FAT1: variants seen among roughly 807,000 people sequenced by gnomAD.
FAT1 encodes FAT atypical cadherin 1.
Under a neutral mutation model 329.8 loss-of-function variants are expected in FAT1, and 171 were observed. The ratio of observed to expected loss-of-function variants is 0.52; its 90% CI spans 0.46 to 0.59. The LOEUF (loss-of-function observed/expected upper bound fraction) is 0.59. Ranked by LOEUF, FAT1 falls within the 20% of genes least tolerant of loss-of-function variation. FAT1 has a pLI of 0.00. For missense variants in FAT1, 5,672 were observed against 5,774.4 expected (o/e 0.98, Z 0.57); for synonymous variants, 2,233 against 2,228.6 (o/e 1.00, Z -0.06).
chr4:186,617,642 C>A, intron 10 of FAT1, 66 bp downstream of exon 10: 1 of 1,344,806 alleles, frequency 7.4e-7, no homozygotes, highest in Non-Finnish European at 1.0e-6. Context: ...CAATACAGAT[C>A]TTATACTTTA....
intron 2 of FAT1, among the ~76,000 whole-genome samples, chr4:186,697,583 G>A (rs1164847467): frequency 2.0e-5 from 3 of 152,128 alleles, no homozygotes; most frequent in Non-Finnish European, 4.4e-5. Flanking sequence ...ATCATTTCAG[G>A]CACATGTACA....
intron 3 of FAT1, among the ~76,000 whole-genome samples, chr4:186,642,318 C>T (rs1159377928): frequency 6.6e-6 from 1 of 152,146 alleles, no homozygotes; most frequent in African/African-American, 2.4e-5. Flanking sequence ...TAATATTACT[C>T]CACAGTATTA....
intron 1 of FAT1, among the ~76,000 whole-genome samples, chr4:186,718,139 G>A (rs115007129): frequency 0.025 from 3,813 of 152,242 alleles, 167 homozygotes; most frequent in African/African-American, 0.088. Context: ...GAAAGTGAAT[G>A]TTCCATGTAC....
intron 13 of FAT1, 136 bp from the exon 14 acceptor site, chr4:186,611,911 T>C: frequency 1.6e-6 from 1 of 617,392 alleles, no homozygotes. Context: ...GCAACCTCTG[T>C]CCCCCAGGTT....
chr4:186,604,195 A>G (rs1027578568), intron 18 of FAT1, among the ~76,000 whole-genome samples, 182 bp downstream of exon 18: 1 of 152,236 alleles, frequency 6.6e-6, no homozygotes, highest in African/African-American at 2.4e-5. Context: ...GACAGAATCA[A>G]CAATGAGCTC....
intron 2 of FAT1, among the ~76,000 whole-genome samples, chr4:186,692,932 G>A (rs1483832099): frequency 6.6e-6 from 1 of 152,276 alleles, no homozygotes; most frequent in East Asian, 1.9e-4. Flanking sequence ...TTAGAAACAC[G>A]ATAACTGGAA....
At chr4:186,634,591 G>T (rs1248540745) in intron 6 of FAT1, among the ~76,000 whole-genome samples, 1 of 151,674 alleles carries the variant, frequency 6.6e-6, no homozygotes, top group African/African-American at 2.4e-5. Flanking sequence ...GAGTGGGATG[G>T]GTGACCATGC....
At position 186,621,218 on chromosome 4, in the gene FAT1, C is replaced by CA; in HGVS notation, c.5367dup (p.Val1790CysfsTer9). 6.2e-7 allele frequency: 1 copy of CA among 1,614,034 alleles called. No homozygotes were observed. Among genetic ancestry groups the CA allele is most frequent in the Non-Finnish European group, 8.5e-7 (1 of 1,179,888 alleles). ...TCAGCTGCTCGAATCACCAGTGGGA[C>CA]ATTCCTGTCTGTTAGGACCACGCTG... On this transcript the variant is annotated frameshift_variant, in exon 10 of 27. Transcript: ENST00000441802. LOFTEE classifies it high-confidence loss of function.
rs2126542652 is a variant in FAT1, at chr4:186,628,286, G to A, written c.4678C>T (p.Pro1560Ser). The A allele has an allele frequency of 6.2e-7, 1 of 1,613,730 alleles. No individual in the cohort carries two copies. Among genetic ancestry groups the A allele is most frequent in the Non-Finnish European group, 8.5e-7 (1 of 1,179,768 alleles). The change falls in exon 9 of 27, where the codon CCG becomes TCG. Residue 1560 changes from proline (P) to serine (S), a missense_variant. By Grantham distance (74) the Pro-to-Ser change is moderately conservative. Around this residue, in one of 2 missense-constraint regions of FAT1, gnomAD observed 3,966 missense variants for 3,915.2 expected, o/e 1.01. Transcript: ENST00000441802. Reference sequence around the variant, plus strand: ...TTGTAGGAGGAAGCGGTGAACCACGGGGCGTGGTCATTCGTGTCGCTGACA... The same window carrying A: ...TTGTAGGAGGAAGCGGTGAACCACGAGGCGTGGTCATTCGTGTCGCTGACA... ...VNVSDTNDHA[P>S]WFTASSYKGR...
intron 3 of FAT1, among the ~76,000 whole-genome samples, chr4:186,650,320 TTCCTC>T: frequency 6.6e-6 from 1 of 152,220 alleles, no homozygotes; most frequent in African/African-American, 2.4e-5. Context: ...CTCATATTCT[TTCCTC>T]TCCATAACAG....
At chr4:186,643,635 G>A (rs914171027) in intron 3 of FAT1, among the ~76,000 whole-genome samples, 2 of 152,056 alleles carry the variant, frequency 1.3e-5, no homozygotes, top group Non-Finnish European at 2.9e-5. Flanking sequence ...TTCGAGGTGC[G>A]CTTTACCTTA....
chr4:186,605,935 T>A, intron 17 of FAT1, 135 bp downstream of exon 17: 1 of 782,640 alleles, frequency 1.3e-6, no homozygotes, highest in Non-Finnish European at 2.1e-6. Flanking sequence ...CTTTTAATAC[T>A]GATAGCGACT....
chr4:186,686,205 A>C (rs1326991064), intron 2 of FAT1, among the ~76,000 whole-genome samples: 1 of 151,882 alleles, frequency 6.6e-6, no homozygotes, highest in East Asian at 1.9e-4. Context: ...GGAAGGCAGA[A>C]AGTTTGTGCA....
rs1419212168 is a variant in FAT1 at position 186,596,954 on chromosome 4, C to A, written c.12586G>T (p.Val4196Leu). The change falls in exon 25 of 27, where the codon GTG becomes TTG. Residue 4196 changes from valine (V) to leucine (L), a missense_variant. Physicochemically the swap from Val to Leu is conservative, Grantham distance 32. Transcript: ENST00000441802. This position sits in a 1 kb window ranked among gnomAD's most constrained non-coding sequence, Gnocchi z 4.7. ...TTACGGCAGAGAACAAACACCACCACCAGTAAAAATATCCCTGCAACAAAC... is the reference window on the plus strand; with the variant it reads ...TTACGGCAGAGAACAAACACCACCAACAGTAAAAATATCCCTGCAACAAAC... ...VVFVAGIFLL[V>L]VVFVLCRKMI... is the part of the protein sequence containing the mutation. 1 of 1,613,976 alleles carries A rather than the reference C, an allele frequency of 6.2e-7. No individual in the cohort carries two copies.
At chr4:186,644,559 G>A (rs763968691) in intron 3 of FAT1, among the ~76,000 whole-genome samples, 2 of 152,176 alleles carry the variant, frequency 1.3e-5, no homozygotes, top group African/African-American at 2.4e-5. Context: ...GCACAATGCA[G>A]TAACAAAGTT....
chr4:186,600,803 CCT>C (rs1224338719), intron 21 of FAT1, among the ~76,000 whole-genome samples: 2 of 152,200 alleles, frequency 1.3e-5, no homozygotes, highest in Non-Finnish European at 2.9e-5. Flanking sequence ...CTCTGCCTCC[CCT>C]GTTCAAGTGA....
chr4:186,725,821 C>A (rs1242317437), upstream of FAT1, among the ~76,000 whole-genome samples: 3 of 152,208 alleles, frequency 2.0e-5, no homozygotes, highest in African/African-American at 7.2e-5. The surrounding 1 kb of genome is among the most constrained non-coding windows in gnomAD (Gnocchi z 5.4). Flanking sequence ...AGAAACAAAA[C>A]GCTTTCCTCC....
rs2126523112 is a variant in FAT1 at position 186,621,205 on chromosome 4, A to G, written c.5381T>C (p.Ile1794Thr). 1.4e-5 allele frequency: 22 copies of G among 1,614,042 alleles called. No individual in the cohort carries two copies. The highest frequency in any genetic ancestry group is 1.9e-5 in the Non-Finnish European group (22 of 1,179,890). ...VLTDRNVPLV[I>T]RAADADKDSN... is the part of the protein sequence containing the mutation. ...GTCTTTATCAGCATCAGCTGCTCGA[A>G]TCACCAGTGGGACATTCCTGTCTGT... Residue 1794 changes from isoleucine (I) to threonine (T), a missense_variant, in exon 10 of 27, where the codon ATT becomes ACT. Physicochemically the swap from Ile to Thr is moderately conservative, Grantham distance 89. Coordinates refer to ENST00000441802, the MANE Select transcript of FAT1 (RefSeq NM_005245.4).
intron 16 of FAT1, among the ~76,000 whole-genome samples, 161 bp from the exon 17 acceptor site, chr4:186,606,374 GC>G (rs1739137868): frequency 6.6e-6 from 1 of 151,896 alleles, no homozygotes; most frequent in Non-Finnish European, 1.5e-5. Flanking sequence ...ACAAACGAGT[GC>G]ATGCAAGTAA....
Sources: allele counts gnomAD v4.1 joint callset (sites outside exome capture counted in the v4.1 genomes callset), GRCh38; gene constraint gnomAD v4.1.1; regional missense constraint gnomAD v4.1.1; non-coding constraint Gnocchi (gnomAD v3.1); transcripts MANE v1.5; gene names NCBI Gene and HGNC (gene_info 2026-07-23, HGNC 2026-07-21).